KIAA1549: variants seen among roughly 807,000 people sequenced by gnomAD.
KIAA1549 encodes the protein UPF0606 protein KIAA1549.
In KIAA1549, 70 loss-of-function variants were observed where a neutral mutation model predicts 156.4. The observed-to-expected ratio is 0.45, with a 90% CI of 0.37 to 0.55. The LOEUF (loss-of-function observed/expected upper bound fraction) is 0.55, where lower values mean the gene tolerates loss of function less well. Among genes scored for constraint, KIAA1549 ranks in the 20% least tolerant of loss-of-function variants. The pLI is 0.00. For synonymous variants in KIAA1549, 1,103 were observed against 1,066.4 expected, an observed-to-expected ratio of 1.03 and a Z score of -0.67; for missense variants, 2,428 against 2,540.9, an observed-to-expected ratio of 0.96 and a Z score of 0.96.
chr7:138,943,304 C>T (rs923585686), intron 1 of KIAA1549, among the ~76,000 whole-genome samples: 15 of 152,190 alleles, frequency 9.9e-5, no homozygotes, highest in Non-Finnish European at 1.9e-4. Context: ...GTCTGGTTTG[C>T]CCAAATCCCT....
intron 15 of KIAA1549, among the ~76,000 whole-genome samples, chr7:138,862,332 C>A (rs984894405): frequency 2.0e-5 from 3 of 151,794 alleles, no homozygotes; most frequent in Admixed American, 1.3e-4. Context: ...AGACCCCCAT[C>A]TTTACAAAAA....
intron 1 of KIAA1549, among the ~76,000 whole-genome samples, chr7:138,966,990 G>A (rs184352090): frequency 8.5e-5 from 13 of 152,182 alleles, no homozygotes; most frequent in South Asian, 6.2e-4. Flanking sequence ...CATTTTCAAC[G>A]AGGCTCCCTA....
chr7:138,925,651 C>T (rs187433614), intron 1 of KIAA1549, among the ~76,000 whole-genome samples: 118 of 151,806 alleles, frequency 7.8e-4, no homozygotes, highest in African/African-American at 2.5e-3. Context: ...GGCAACGTGG[C>T]GAAACCCCGT....
rs1313890528 is a variant in KIAA1549 at position 138,861,463 on chromosome 7, T to C, written c.4930-7A>G. ...CTGGGAGGTCAGGATCCGACTACAA[T>C]GAGAAATGGCAAAGGAAGAATCACA... On this transcript the variant is annotated splice_polypyrimidine_tract_variant and splice_region_variant and intron_variant, in intron 15 of 19. Coordinates refer to ENST00000422774, the MANE Select transcript of KIAA1549 (RefSeq NM_001164665.2). The C allele has an allele frequency of 1.9e-6, 3 of 1,601,786 alleles. No homozygotes were observed. The highest frequency in any genetic ancestry group is 2.2e-5 in the South Asian group (2 of 89,070).
Position 138,831,991 on chromosome 7 carries a change from C to T in KIAA1549, c.*5915G>A, listed in dbSNP as rs1809545702. On this transcript the variant is annotated 3_prime_UTR_variant, in exon 20 of 20. Transcript: ENST00000422774. Reference sequence around the variant, plus strand: ...CCCCACATTTGCAGGAGGAACAGTACAGCATATGCGACTTGAACTTGGCCC... The same window carrying T: ...CCCCACATTTGCAGGAGGAACAGTATAGCATATGCGACTTGAACTTGGCCC... The T allele has an allele frequency of 1.3e-5, 3 of 232,120 alleles. No individual in the cohort carries two copies. The highest frequency in any genetic ancestry group is 2.2e-5 in the African/African-American group (1 of 45,266). 14.4% of individuals were successfully genotyped at this position (232,120 alleles called of 1,614,324 possible).
intron 1 of KIAA1549, among the ~76,000 whole-genome samples, chr7:138,973,151 G>A (rs945179763): frequency 6.6e-6 from 1 of 152,100 alleles, no homozygotes; most frequent in African/African-American, 2.4e-5. Flanking sequence ...GACTCTTGAA[G>A]CCTACAAACA....
chr7:138,939,562 T>C (rs1178699676), intron 1 of KIAA1549, among the ~76,000 whole-genome samples: 5 of 152,218 alleles, frequency 3.3e-5, no homozygotes, highest in Admixed American at 2.6e-4. Context: ...TCTTATAAAC[T>C]GGTAGTTAGA....
At chr7:138,849,019 C>T (rs1413891460) in intron 17 of KIAA1549, among the ~76,000 whole-genome samples, 2 of 152,142 alleles carry the variant, frequency 1.3e-5, no homozygotes, top group Admixed American at 1.3e-4. Flanking sequence ...AACCATGCAC[C>T]ACTGCATCCA....
At chr7:138,855,014 G>A (rs1334642722) in intron 16 of KIAA1549, among the ~76,000 whole-genome samples, 4 of 152,174 alleles carry the variant, frequency 2.6e-5, no homozygotes, top group East Asian at 1.9e-4. Context: ...CTGGCAGCAC[G>A]ATGTGGCTCC....
intron 1 of KIAA1549, among the ~76,000 whole-genome samples, chr7:138,959,805 A>G (rs111774382): frequency 0.023 from 3,520 of 152,300 alleles, 66 homozygotes; most frequent in Admixed American, 0.038. Flanking sequence ...TTCATTTGTG[A>G]GGATCAGAGA....
intron 1 of KIAA1549, among the ~76,000 whole-genome samples, chr7:138,961,578 C>G (rs1200515762): frequency 6.6e-6 from 1 of 152,210 alleles, no homozygotes; most frequent in Non-Finnish European, 1.5e-5. Context: ...CTGCTCTATT[C>G]CTTCTTCTGT....
chr7:138,866,160 G>C (rs1367786452), intron 15 of KIAA1549, among the ~76,000 whole-genome samples: 1 of 152,200 alleles, frequency 6.6e-6, no homozygotes, highest in East Asian at 1.9e-4. Context: ...GAAGACAGTA[G>C]TTTCATTTAC....
At chr7:138,854,453 G>T (rs1452280367) in intron 16 of KIAA1549, among the ~76,000 whole-genome samples, 2 of 151,702 alleles carry the variant, frequency 1.3e-5, no homozygotes, top group Non-Finnish European at 2.9e-5. Context: ...TCCTACCCTC[G>T]CAAAAAAGGA....
chr7:138,841,167 C>A (rs563781225), intron 18 of KIAA1549, among the ~76,000 whole-genome samples: 1 of 152,210 alleles, frequency 6.6e-6, no homozygotes, highest in East Asian at 1.9e-4. Context: ...GGTTTGGGAG[C>A]CACCATGAAG....
chr7:138,943,978 G>T (rs1813270027), intron 1 of KIAA1549, among the ~76,000 whole-genome samples: 1 of 151,316 alleles, frequency 6.6e-6, no homozygotes, highest in African/African-American at 2.4e-5. Flanking sequence ...TGTTGCCCAG[G>T]GTGGCCTTGA....
At position 138,832,256 on chromosome 7, in the gene KIAA1549, G is replaced by A. The variant is rs2130305987; in HGVS notation, c.*5650C>T. On this transcript the variant is annotated 3_prime_UTR_variant, in exon 20 of 20. Transcript: ENST00000422774. The stretch of plus-strand genomic sequence containing the variant: ...CTGCAGCCCAGGCTGGAGTGCAGTG[G>A]CGTGATTATAGCTCACTGCAGCCTC... 1 of 204,268 alleles carries A rather than the reference G, an allele frequency of 4.9e-6. No individual in the cohort carries two copies. The highest frequency in any genetic ancestry group is 1.9e-4 in the South Asian group (1 of 5,144). 12.7% of individuals were successfully genotyped at this position (204,268 alleles called of 1,614,324 possible).
intron 1 of KIAA1549, among the ~76,000 whole-genome samples, chr7:138,930,311 A>G (rs551128959): frequency 9.2e-5 from 14 of 152,182 alleles, no homozygotes; most frequent in Non-Finnish European, 1.8e-4. Flanking sequence ...GACTTTTCAG[A>G]ATGGTCCATG....
intron 1 of KIAA1549, among the ~76,000 whole-genome samples, chr7:138,979,901 G>A (rs143092167): frequency 2.0e-5 from 3 of 152,312 alleles, no homozygotes; most frequent in South Asian, 2.1e-4. Flanking sequence ...CTTGAGCAAG[G>A]CACTTCTCTG....
chr7:138,844,780 C>T (rs1202876572), intron 17 of KIAA1549, among the ~76,000 whole-genome samples: 2 of 152,138 alleles, frequency 1.3e-5, no homozygotes, highest in African/African-American at 2.4e-5. Flanking sequence ...TACACGTCTG[C>T]ATCACCTGGC....
Sources: gnomAD v4.1 joint callset for allele counts (sites outside exome capture counted in the v4.1 genomes callset) on GRCh38, gnomAD v4.1.1 for gene constraint, MANE v1.5 for transcripts, NCBI Gene and HGNC (gene_info 2026-07-23, HGNC 2026-07-21) for gene names.